Variants in PCDH15 observed in about 807,000 individuals in gnomAD.
PCDH15 encodes the protein protocadherin-15.
A neutral mutation model predicts 178.5 loss-of-function variants in PCDH15; 129 were observed. The observed-to-expected ratio is 0.72, with a 90% CI of 0.63 to 0.84. The LOEUF (loss-of-function observed/expected upper bound fraction) is 0.84. Ranked by LOEUF, PCDH15 falls within the 40% of genes least tolerant of loss-of-function variation. The pLI is 0.00. For missense variants in PCDH15, 2,230 were observed against 2,099.9 expected (o/e 1.06, Z -1.21); for synonymous variants, 800 against 732.0 (o/e 1.09, Z -1.50).
chr10:54,577,698 G>A (rs1327473656), intron 2 of PCDH15, among the ~76,000 whole-genome samples: 1 of 152,014 alleles, frequency 6.6e-6, no homozygotes, highest in Non-Finnish European at 1.5e-5. Context: ...CAGGAGTCAG[G>A]AAACAGGTTA....
chr10:54,601,606 T>C (rs2092537782), intron 2 of PCDH15, among the ~76,000 whole-genome samples: 1 of 151,992 alleles, frequency 6.6e-6, no homozygotes, highest in Non-Finnish European at 1.5e-5. Flanking sequence ...TATAATTTAG[T>C]TCGTCCATTG....
chr10:54,296,129 A>G (rs1410695520), intron 8 of PCDH15, among the ~76,000 whole-genome samples: 2 of 118,122 alleles, frequency 1.7e-5, no homozygotes, highest in Non-Finnish European at 3.4e-5. Flanking sequence ...TGGGCGACAG[A>G]GCGAGACTCC....
intron 18 of PCDH15, among the ~76,000 whole-genome samples, chr10:54,034,697 T>A (rs905947867): frequency 2.0e-5 from 3 of 151,910 alleles, no homozygotes; most frequent in Non-Finnish European, 2.9e-5. Context: ...TTCTGCTGTG[T>A]CCTTCCTTTT....
rs549297010 is a variant in PCDH15, at chr10:54,970,358, T to C, written c.-79-72858A>G. 4.6e-5 allele frequency among the ~76,000 whole-genome samples: 7 copies of C among 152,220 alleles called. No homozygotes were observed. In the South Asian group the frequency reaches 1.5e-3, roughly 32 times the overall value. On this transcript the variant is annotated intron_variant, in intron 2 of 5. Coordinates refer to the PCDH15 transcript ENST00000458638. ...AACACCTAGAAAAATGAAAGCAGCTTTGGAACTGGGTGATAGCTACAGGTT... is the reference window on the plus strand; with the variant it reads ...AACACCTAGAAAAATGAAAGCAGCTCTGGAACTGGGTGATAGCTACAGGTT...
intron 18 of PCDH15, among the ~76,000 whole-genome samples, chr10:54,059,971 C>A (rs535135995): frequency 1.3e-5 from 2 of 152,292 alleles, no homozygotes; most frequent in African/African-American, 4.8e-5. Context: ...TCAATGCAAG[C>A]TCCACATATC....
chr10:54,734,538 A>T (rs1348256622), intron 1 of PCDH15, among the ~76,000 whole-genome samples: 1 of 151,990 alleles, frequency 6.6e-6, no homozygotes, highest in Non-Finnish European at 1.5e-5. Context: ...ATGACCTTGC[A>T]TCACCACCCC....
At chr10:54,421,822 A>AGTG (rs1554963565) in intron 3 of PCDH15, among the ~76,000 whole-genome samples, 8 of 75,470 alleles carry the variant, frequency 1.1e-4, no homozygotes, top group Middle Eastern at 8.6e-3. Flanking sequence ...GTGTGTATAT[A>AGTG]TATATATATA....
intron 15 of PCDH15, among the ~76,000 whole-genome samples, chr10:54,129,793 A>G (rs2042277068): frequency 6.6e-6 from 1 of 152,156 alleles, no homozygotes; most frequent in African/African-American, 2.4e-5. Flanking sequence ...TGGCTCTCCA[A>G]ATAGGCAGGA....
chr10:54,716,829 T>G (rs1037150897), intron 1 of PCDH15, among the ~76,000 whole-genome samples: 12 of 150,442 alleles, frequency 8.0e-5, no homozygotes, highest in African/African-American at 3.0e-4. Flanking sequence ...AGAACAAAGC[T>G]GGAGGCATCA....
chr10:54,894,767 C>CA (rs1954519228), intron 3 of PCDH15, among the ~76,000 whole-genome samples: 1 of 152,062 alleles, frequency 6.6e-6, no homozygotes, highest in Non-Finnish European at 1.5e-5. Flanking sequence ...GAGAATTAGC[C>CA]AAAGCAGGCA....
chr10:55,138,813 A>G (rs1056233674), intron 2 of PCDH15, among the ~76,000 whole-genome samples: 1 of 151,984 alleles, frequency 6.6e-6, no homozygotes, highest in Non-Finnish European at 1.5e-5. Flanking sequence ...TAATTTCTCC[A>G]GTTTCTGTTA....
At chr10:54,104,124 C>T (rs2094864408) in intron 15 of PCDH15, among the ~76,000 whole-genome samples, 1 of 152,124 alleles carries the variant, frequency 6.6e-6, no homozygotes, top group Non-Finnish European at 1.5e-5. Flanking sequence ...GGGAGGCCAT[C>T]ACTGTTGCTT....
chr10:54,197,798 T>A (rs2049824692), intron 10 of PCDH15, among the ~76,000 whole-genome samples: 1 of 152,188 alleles, frequency 6.6e-6, no homozygotes, highest in Non-Finnish European at 1.5e-5. Flanking sequence ...TTCCTTCATA[T>A]TATTTATATT....
chr10:54,587,539 A>C (rs1590298071), intron 2 of PCDH15, among the ~76,000 whole-genome samples: 1 of 152,020 alleles, frequency 6.6e-6, no homozygotes, highest in Non-Finnish European at 1.5e-5. Flanking sequence ...ACAATAAAAA[A>C]AAAAAAGACT....
At chr10:55,338,490 TG>T (rs1415510425) in intron 2 of PCDH15, among the ~76,000 whole-genome samples, 3 of 152,100 alleles carry the variant, frequency 2.0e-5, no homozygotes, top group African/African-American at 4.8e-5. Flanking sequence ...AAATCCTGGC[TG>T]GGGACAGTGG....
At chr10:54,113,383 C>T (rs1564449478) in intron 15 of PCDH15, among the ~76,000 whole-genome samples, 1 of 152,136 alleles carries the variant, frequency 6.6e-6, no homozygotes, top group South Asian at 2.1e-4. Context: ...AACTCTACAT[C>T]ATTCTCTGAG....
At chr10:54,089,733 C>T (rs1429766175) in intron 16 of PCDH15, among the ~76,000 whole-genome samples, 2 of 152,096 alleles carry the variant, frequency 1.3e-5, no homozygotes, top group Non-Finnish European at 2.9e-5. Flanking sequence ...TCTAATTAAT[C>T]CCAGTTGTGC....
chr10:55,313,720 C>G (rs930948867), intron 1 of PCDH15, among the ~76,000 whole-genome samples: 3 of 152,072 alleles, frequency 2.0e-5, no homozygotes, highest in Non-Finnish European at 4.4e-5. Flanking sequence ...ATGCTATATG[C>G]CAGACTTCTA....
chr10:55,473,351 C>T (rs924524320), intron 2 of PCDH15, among the ~76,000 whole-genome samples: 16 of 151,310 alleles, frequency 1.1e-4, no homozygotes, highest in Admixed American at 2.0e-4. Flanking sequence ...AAAAGAAAAC[C>T]ACCTAAATCA....
Sources: allele counts gnomAD v4.1 joint callset (sites outside exome capture counted in the v4.1 genomes callset), GRCh38; gene constraint gnomAD v4.1.1; transcripts MANE v1.5; gene names NCBI Gene and HGNC (gene_info 2026-07-23, HGNC 2026-07-21).